Variants in ITGB4 observed in about 807,000 individuals in gnomAD.
The protein encoded by ITGB4 is integrin beta-4.
In ITGB4, 159 loss-of-function variants were observed where a neutral mutation model predicts 207.6. The observed-to-expected ratio is 0.77, with a 90% CI of 0.67 to 0.87. The LOEUF (loss-of-function observed/expected upper bound fraction) is 0.87. Among genes scored for constraint, ITGB4 ranks in the 40% least tolerant of loss-of-function variants. The pLI is 0.00. For missense variants in ITGB4, 2,278 were observed against 2,546.8 expected, an observed-to-expected ratio of 0.89 and a Z score of 2.27; for synonymous variants, 1,020 against 1,062.7, an observed-to-expected ratio of 0.96 and a Z score of 0.78.
rs778405226 is a variant in ITGB4, at chr17:75,730,908, G to C, written c.1036G>C (p.Gly346Arg). The change falls in exon 9 of 40, where the codon GGG becomes CGG. Residue 346 changes from glycine to arginine, a missense_variant. Physicochemically the swap from Gly to Arg is moderately radical, Grantham distance 125. Coordinates refer to ENST00000200181, the MANE Select transcript of ITGB4 (RefSeq NM_000213.5). The stretch of plus-strand genomic sequence containing the variant: ...CACCTATTTCCCTGTCTCCTCACTG[G>C]GGGTGCTGCAGGAGGACTCGTCCAA... The part of the protein sequence containing the change: ...LHTYFPVSSL[G>R]VLQEDSSNIV... 2.0e-5 allele frequency: 33 copies of C among 1,613,732 alleles called. No homozygotes were observed. The East Asian group carries it at 3.8e-4, about 19-fold the overall frequency.
chr17:75,745,285 T>C (rs1041186549), intron 26 of ITGB4, among the ~76,000 whole-genome samples: 1 of 151,788 alleles, frequency 6.6e-6, no homozygotes, highest in Non-Finnish European at 1.5e-5. Context: ...CCCAGCTACT[T>C]GGAAGGCTGA....
At chr17:75,743,414 G>T (rs1490003042) in intron 25 of ITGB4, among the ~76,000 whole-genome samples, 1 of 152,054 alleles carries the variant, frequency 6.6e-6, no homozygotes, top group Non-Finnish European at 1.5e-5. Flanking sequence ...TCTATCTTTA[G>T]TAGAGATGGG....
At position 75,731,968 on chromosome 17, in the gene ITGB4, G is replaced by C; in HGVS notation, c.1372G>C (p.Glu458Gln). ...AGIICDVCTC[E>Q]LQKEVRSARC... is the part of the protein sequence containing the mutation. ...CATCATCTGTGATGTGTGCACCTGC[G>C]AGCTGGTACAACGCAGCCCCGCAGG... Residue 458 changes from glutamate (E) to glutamine (Q), a missense_variant, in exon 11 of 40, where the codon GAG (glutamate) becomes CAG (glutamine). Transcript: ENST00000200181. This position sits in a 1 kb window ranked among gnomAD's most constrained non-coding sequence, Gnocchi z 6.8. 1.2e-6 allele frequency: 2 copies of C among 1,613,942 alleles called. No homozygotes were observed. Among genetic ancestry groups the C allele is most frequent in the Non-Finnish European group, 1.7e-6 (2 of 1,180,022 alleles).
At chr17:75,723,113 C>T (rs1490364775) in intron 1 of ITGB4, among the ~76,000 whole-genome samples, 1 of 152,218 alleles carries the variant, frequency 6.6e-6, no homozygotes, top group Non-Finnish European at 1.5e-5. Context: ...GTGGAGGCTG[C>T]CATGGAGGTT....
chr17:75,739,708 A>G lies in ITGB4; in HGVS notation c.2254+3A>G. 6.2e-7 allele frequency: 1 copy of G among 1,614,046 alleles called. No homozygotes were observed. The highest frequency in any genetic ancestry group is 8.5e-7 in the Non-Finnish European group (1 of 1,179,996). On this transcript the variant is annotated splice_donor_region_variant and intron_variant, in intron 19 of 39. Coordinates refer to ENST00000200181, the MANE Select transcript of ITGB4 (RefSeq NM_000213.5). The surrounding 1 kb of genome is among the most constrained non-coding windows in gnomAD (Gnocchi z 5.4). ...ACTTCTCCCGTGCTGCAACCGAGGT[A>G]TGGGCCTGGCATCGCAGGGGCAGCA...
At chr17:75,755,990 C>A in intron 35 of ITGB4, 140 bp downstream of exon 35, 1 of 1,052,104 alleles carries the variant, frequency 9.5e-7, no homozygotes, top group Non-Finnish European at 1.4e-6. Flanking sequence ...CTGAGAGGGT[C>A]TCCCACCCCA....
At chr17:75,728,511 C>A (rs1220856053) in intron 6 of ITGB4, 38 bp downstream of exon 6, 1 of 1,503,492 alleles carries the variant, frequency 6.7e-7, no homozygotes, top group Non-Finnish European at 9.3e-7. Context: ...GGGCAAGGGT[C>A]CAGGCCATGT....
rs1299616963 is a variant in ITGB4, at chr17:75,731,191, G to C, written c.1093-55G>C. The C allele has an allele frequency of 8.7e-6, 14 of 1,612,518 alleles. No homozygotes were observed. Among genetic ancestry groups the C allele is most frequent in the Non-Finnish European group, 1.2e-5 (14 of 1,179,810 alleles). On this transcript the variant is annotated intron_variant, in intron 9 of 39. Transcript: ENST00000200181. This position sits in a 1 kb window ranked among gnomAD's most constrained non-coding sequence, Gnocchi z 6.8. ...TGATGCCAGCCACACTTGGAGGTTGGGGTGGAGCACAGAGGCCCCCCACAG... is the reference window on the plus strand; with the variant it reads ...TGATGCCAGCCACACTTGGAGGTTGCGGTGGAGCACAGAGGCCCCCCACAG...
Position 75,724,754 on chromosome 17 carries a change from G to T in ITGB4, c.51G>T (p.Leu17Phe), listed in dbSNP as rs2060684696. The T allele has an allele frequency of 1.2e-6, 2 of 1,613,624 alleles. No individual in the cohort carries two copies. The highest frequency in any genetic ancestry group is 8.5e-7 in the Non-Finnish European group (1 of 1,180,044). Residue 17 changes from leucine (L) to phenylalanine (F), a missense_variant, in exon 2 of 40, where the codon TTG (leucine) becomes TTT (phenylalanine). By Grantham distance (22) the Leu-to-Phe change is conservative. Transcript: ENST00000200181. Reference protein sequence around the residue: ...SPWARLLLAALISVSLSGTLA... With the variant: ...SPWARLLLAAFISVSLSGTLA... ...GGGCCAGGCTGCTCCTGGCAGCCTT[G>T]ATCAGCGTCAGCCTCTCTGGGACCT...
chr17:75,728,376 G>T lies in ITGB4; in HGVS notation c.470-1G>T. The stretch of plus-strand genomic sequence containing the variant: ...CCCCTCTCTGTCCTTTTGACATCCA[G>T]CTCGGGTCCTGAGCCAGCTCACCAG... On this transcript the variant is annotated splice_acceptor_variant, in intron 5 of 39. Transcript: ENST00000200181. LOFTEE classifies it high-confidence loss of function. The T allele has an allele frequency of 6.2e-7, 1 of 1,613,892 alleles. No homozygotes were observed. Among genetic ancestry groups the T allele is most frequent in the Non-Finnish European group, 8.5e-7 (1 of 1,179,870 alleles).
At chr17:75,734,320 G>C (rs1277719747) in intron 13 of ITGB4, among the ~76,000 whole-genome samples, 1 of 151,888 alleles carries the variant, frequency 6.6e-6, no homozygotes, top group East Asian at 1.9e-4. Context: ...ATTTTTAGTA[G>C]AGACAGGGTT....
chr17:75,729,479 G>A lies in ITGB4; in HGVS notation c.738+43G>A. 1.9e-6 allele frequency: 3 copies of A among 1,596,138 alleles called. No individual in the cohort carries two copies. Among genetic ancestry groups the A allele is most frequent in the Non-Finnish European group, 2.6e-6 (3 of 1,169,800 alleles). On this transcript the variant is annotated intron_variant, in intron 7 of 39. Coordinates refer to ENST00000200181, the MANE Select transcript of ITGB4 (RefSeq NM_000213.5). This position sits in a 1 kb window ranked among gnomAD's most constrained non-coding sequence, Gnocchi z 4.4. ...TGCTGCCAGCCTAGGCCAGGGGTGA[G>A]CACTTCTGGGCAAGGGCCTGAGCTG... is the stretch of plus-strand genomic sequence containing the variant.
Position 75,750,894 on chromosome 17 carries a change from T to C in ITGB4, c.3655+34T>C. Reference sequence around the variant, plus strand: ...TCGCCATGTCTGTCCATTTGTCCCCTGGCTGCCCTGATGCCAGCATGCCCA... The same window carrying C: ...TCGCCATGTCTGTCCATTTGTCCCCCGGCTGCCCTGATGCCAGCATGCCCA... On this transcript the variant is annotated intron_variant, in intron 29 of 39. Coordinates refer to ENST00000200181, the MANE Select transcript of ITGB4 (RefSeq NM_000213.5). The surrounding 1 kb of genome is among the most constrained non-coding windows in gnomAD (Gnocchi z 5.5). The C allele has an allele frequency of 6.2e-7, 1 of 1,613,380 alleles. No individual in the cohort carries two copies. The highest frequency in any genetic ancestry group is 1.1e-5 in the South Asian group (1 of 91,080).
chr17:75,724,297 C>G (rs1017424948), intron 1 of ITGB4, among the ~76,000 whole-genome samples: 6 of 152,212 alleles, frequency 3.9e-5, no homozygotes, highest in Non-Finnish European at 8.8e-5. Context: ...GCTGCGGCCC[C>G]CTCTCAGGGA....
Position 75,742,211 on chromosome 17 carries a change from C to A in ITGB4, c.2634-130C>A. On this transcript the variant is annotated intron_variant, in intron 23 of 39. Transcript: ENST00000200181. The surrounding 1 kb of genome is among the most constrained non-coding windows in gnomAD (Gnocchi z 5.9). ...TGGCATAGGCCTGGAGCACTGCCTG[C>A]CTCTGAAGACCCTGCACTTCTTGCT... 1 of 1,192,690 alleles carries A rather than the reference C, an allele frequency of 8.4e-7. No homozygotes were observed. Among genetic ancestry groups the A allele is most frequent in the Non-Finnish European group, 1.2e-6 (1 of 825,180 alleles). 73.9% of individuals were successfully genotyped at this position (1,192,690 alleles called of 1,614,324 possible).
Position 75,740,681 on chromosome 17 carries a change from C to T in ITGB4, c.2551-112C>T. On this transcript the variant is annotated intron_variant, in intron 21 of 39. Coordinates refer to ENST00000200181, the MANE Select transcript of ITGB4 (RefSeq NM_000213.5). This position sits in a 1 kb window ranked among gnomAD's most constrained non-coding sequence, Gnocchi z 5.9. The stretch of plus-strand genomic sequence containing the variant: ...GCTGCCCCACGGGGCATGCCCCAGC[C>T]AACCCTGAGGATCTCTGGGTACAGA... 2 of 1,280,032 alleles carry T rather than the reference C, an allele frequency of 1.6e-6. No individual in the cohort carries two copies. 79.3% of individuals were successfully genotyped at this position (1,280,032 alleles called of 1,614,324 possible).
chr17:75,753,739 C>T, intron 32 of ITGB4, 26 bp from the exon 33 acceptor site: 1 of 1,385,792 alleles, frequency 7.2e-7, no homozygotes, highest in Non-Finnish European at 9.4e-7. Flanking sequence ...CCGGCGGTGC[C>T]AACGCGGCCC....
rs771561417 is a variant in ITGB4 at position 75,740,421 on chromosome 17, C to T, written c.2510C>T (p.Thr837Ile). ...ACCGAGAACCTGCTGAAGCCTGACA[C>T]TCGGGAGTGCGCCCAGCTGCGCCAG... is the stretch of plus-strand genomic sequence containing the variant. ...LCTENLLKPDTRECAQLRQEV... is the reference protein window; with the variant it reads ...LCTENLLKPDIRECAQLRQEV... The change falls in exon 21 of 40, where the codon ACT (threonine) becomes ATT (isoleucine). Residue 837 changes from threonine (T) to isoleucine (I), a missense_variant. Transcript: ENST00000200181. This position sits in a 1 kb window ranked among gnomAD's most constrained non-coding sequence, Gnocchi z 5.9. 10 of 1,613,802 alleles carry T rather than the reference C, an allele frequency of 6.2e-6. No individual in the cohort carries two copies. In the Admixed American group the frequency reaches 1.5e-4, roughly 24 times the overall value.
At chr17:75,736,851 G>A in intron 16 of ITGB4, 157 bp downstream of exon 16, 1 of 823,534 alleles carries the variant, frequency 1.2e-6, no homozygotes, top group Non-Finnish European at 1.9e-6. Context: ...ACAGAACCCA[G>A]ATAGAGGACA....
Sources: gnomAD v4.1 joint callset for allele counts (sites outside exome capture counted in the v4.1 genomes callset) on GRCh38, gnomAD v4.1.1 for gene constraint, Gnocchi (gnomAD v3.1) non-coding constraint, MANE v1.5 for transcripts, NCBI Gene and HGNC (gene_info 2026-07-23, HGNC 2026-07-21) for gene names.